The following ERG variants were observed in gnomAD, a reference collection of about 807,000 sequenced individuals.
ERG encodes transcriptional regulator ERG.
ERG carries 9 observed loss-of-function variants against 55.3 expected under a neutral mutation model. That is an observed-to-expected ratio of 0.16 (90% CI 0.10 to 0.28). The LOEUF is 0.28. Ranked by LOEUF, ERG falls within the 10% of genes least tolerant of loss-of-function variation. The pLI is 1.00. For missense variants in ERG, 434 were observed against 631.6 expected (o/e 0.69, Z 3.35); for synonymous variants, 223 against 237.3 (o/e 0.94, Z 0.55).
chr21:38,415,837 T>C (rs573607095), intron 3 of ERG, among the ~76,000 whole-genome samples: 1 of 152,212 alleles, frequency 6.6e-6, no homozygotes, highest in South Asian at 2.1e-4. Context: ...GTTAACTTGA[T>C]AAATCACATT....
At chr21:38,550,097 C>T (rs76223716) in intron 2 of ERG, among the ~76,000 whole-genome samples, 1 of 152,180 alleles carries the variant, frequency 6.6e-6, no homozygotes, top group Non-Finnish European at 1.5e-5. Flanking sequence ...AAGTCAGGTT[C>T]TACGCCCGGT....
chr21:38,493,776 T>C (rs2059357544), intron 1 of ERG, among the ~76,000 whole-genome samples: 3 of 152,140 alleles, frequency 2.0e-5, no homozygotes, highest in Admixed American at 1.3e-4. Context: ...GCTACACCTT[T>C]AACAAGCACC....
intron 2 of ERG, among the ~76,000 whole-genome samples, chr21:38,573,349 C>A (rs931840821): frequency 2.6e-5 from 4 of 152,228 alleles, no homozygotes; most frequent in South Asian, 2.1e-4. Context: ...AAGCCTCTTG[C>A]AGTTGAGATA....
intron 1 of ERG, among the ~76,000 whole-genome samples, chr21:38,633,467 T>A (rs2060369316): frequency 2.0e-5 from 3 of 152,230 alleles, no homozygotes; most frequent in Non-Finnish European, 4.4e-5. Flanking sequence ...TTCATGTGTG[T>A]AAAGCATACA....
At chr21:38,457,752 G>A (rs1940837144) in intron 1 of ERG, among the ~76,000 whole-genome samples, 1 of 152,214 alleles carries the variant, frequency 6.6e-6, no homozygotes, top group African/African-American at 2.4e-5. Flanking sequence ...GCGGGTAGGT[G>A]AGTAGTGGAC....
the ERG span, among the ~76,000 whole-genome samples, chr21:38,374,517 C>T: frequency 6.6e-6 from 1 of 152,184 alleles, no homozygotes; most frequent in African/African-American, 2.4e-5. Flanking sequence ...CTCCACATTC[C>T]TTTGTTACTA....
chr21:38,629,432 T>A (rs2060344410), intron 1 of ERG, among the ~76,000 whole-genome samples: 1 of 152,158 alleles, frequency 6.6e-6, no homozygotes, highest in African/African-American at 2.4e-5. Flanking sequence ...ATTGATTTTT[T>A]AAAAACAATG....
At chr21:38,628,364 C>T (rs527988337) in intron 1 of ERG, among the ~76,000 whole-genome samples, 1 of 152,262 alleles carries the variant, frequency 6.6e-6, no homozygotes, top group African/African-American at 2.4e-5. Flanking sequence ...CAAGTTCAAC[C>T]ATTTAAAAAA....
At chr21:38,594,378 C>A (rs559125462) in intron 1 of ERG, among the ~76,000 whole-genome samples, 1 of 152,308 alleles carries the variant, frequency 6.6e-6, no homozygotes, top group South Asian at 2.1e-4. Context: ...CCCCGTTAAC[C>A]CATGAAGCCT....
chr21:38,519,797 C>A (rs576451175), intron 2 of ERG, among the ~76,000 whole-genome samples: 3 of 152,270 alleles, frequency 2.0e-5, no homozygotes, highest in African/African-American at 7.2e-5. Context: ...CAGTATTATT[C>A]TCTCAGTTAA....
At chr21:38,546,585 G>A (rs3787917) in intron 2 of ERG, among the ~76,000 whole-genome samples, 76,844 of 151,988 alleles carry the variant, frequency 0.51, 20,729 homozygotes, top group Non-Finnish European at 0.62. Context: ...CACAGTTTTC[G>A]ACTGCTCCAC....
intron 1 of ERG, among the ~76,000 whole-genome samples, chr21:38,469,115 T>A (rs1306190011): frequency 2.0e-5 from 3 of 151,410 alleles, no homozygotes; most frequent in Non-Finnish European, 4.4e-5. Context: ...GGGGTCCCCT[T>A]ATCTATTTAC....
chr21:38,377,752 A>G (rs1987282507), downstream of ERG, among the ~76,000 whole-genome samples: 1 of 152,024 alleles, frequency 6.6e-6, no homozygotes, highest in South Asian at 2.1e-4. Flanking sequence ...GCATCCCACG[A>G]CGACTTGGAG....
intron 2 of ERG, among the ~76,000 whole-genome samples, chr21:38,572,172 C>G (rs796220347): frequency 7.0e-6 from 1 of 143,434 alleles, no homozygotes; most frequent in African/African-American, 2.6e-5. Context: ...CTGGCTAACA[C>G]GGTGAAACCC....
the ERG span, chr21:38,367,557 G>A: frequency 4.1e-6 from 2 of 485,990 alleles, no homozygotes; most frequent in Non-Finnish European, 7.9e-6. Flanking sequence ...GCAAAGAGAA[G>A]GCCACGCTGC....
At chr21:38,657,866 G>A (rs2060528630) in intron 1 of ERG, among the ~76,000 whole-genome samples, 1 of 152,288 alleles carries the variant, frequency 6.6e-6, no homozygotes, top group African/African-American at 2.4e-5. Context: ...GCTGGTCACT[G>A]CCAAGCATGA....
At chr21:38,521,578 G>A (rs1252186428) in intron 2 of ERG, among the ~76,000 whole-genome samples, 1 of 152,038 alleles carries the variant, frequency 6.6e-6, no homozygotes, top group Admixed American at 6.6e-5. Flanking sequence ...AAATATAATC[G>A]GTTCATCACC....
intron 2 of ERG, among the ~76,000 whole-genome samples, chr21:38,520,574 C>T (rs998702645): frequency 2.6e-5 from 4 of 152,162 alleles, no homozygotes; most frequent in South Asian, 4.1e-4. Flanking sequence ...CTCCTTGACA[C>T]GTTCTGAAGG....
intron 3 of ERG, among the ~76,000 whole-genome samples, chr21:38,418,663 A>T (rs1193937760): frequency 2.0e-5 from 3 of 151,514 alleles, no homozygotes; most frequent in African/African-American, 7.3e-5. Context: ...GTGGTGGTTC[A>T]TGCCTGTAAT....
Sources: gnomAD v4.1 joint callset for allele counts (sites outside exome capture counted in the v4.1 genomes callset) on GRCh38, gnomAD v4.1.1 for gene constraint, MANE v1.5 for transcripts, NCBI Gene and HGNC (gene_info 2026-07-23, HGNC 2026-07-21) for gene names.